The following TFDP2 variants were observed in gnomAD, a reference collection of about 807,000 sequenced individuals.
The protein encoded by TFDP2 is transcription factor Dp-2 (E2F dimerization partner 2).
A neutral mutation model predicts 59.3 loss-of-function variants in TFDP2; 17 were observed. The ratio of observed to expected loss-of-function variants is 0.29; its 90% CI spans 0.20 to 0.43. The LOEUF (loss-of-function observed/expected upper bound fraction) is 0.43. TFDP2 is among the 20% of genes least tolerant of loss of function. TFDP2 has a pLI of 1.00. For synonymous variants in TFDP2, 180 were observed against 194.7 expected (o/e 0.92, Z 0.63); for missense variants, 391 against 528.8 (o/e 0.74, Z 2.56).
chr3:142,113,876 A>G (rs1020241235), intron 1 of TFDP2, among the ~76,000 whole-genome samples: 3 of 152,054 alleles, frequency 2.0e-5, no homozygotes, highest in Non-Finnish European at 2.9e-5. Context: ...ATAACTCTAC[A>G]GAATAGGGCC....
chr3:141,963,938 T>C lies in TFDP2; in HGVS notation c.758A>G (p.Gln253Arg). Residue 253 changes from glutamine (Q) to arginine (R), a missense_variant, in exon 10 of 13, where the codon CAG becomes CGG. Gln to Arg is a conservative substitution (Grantham distance 43). Around this residue, in one of 3 missense-constraint regions of TFDP2, gnomAD observed 223 missense variants for 292.5 expected, o/e 0.76. Transcript: ENST00000489671. ...TTGCTGCTCATTTTGTCGATTTCTC[T>C]GTACCAGGTTTTTGAAAGCGATTTG... ...LQQIAFKNLV[Q>R]RNRQNEQQNQ... 6.2e-7 allele frequency: 1 copy of C among 1,613,732 alleles called. No individual in the cohort carries two copies. Among genetic ancestry groups the C allele is most frequent in the Non-Finnish European group, 8.5e-7 (1 of 1,179,922 alleles).
intron 3 of TFDP2, among the ~76,000 whole-genome samples, chr3:142,027,058 G>A (rs1314125346): frequency 5.4e-5 from 7 of 128,612 alleles, no homozygotes; most frequent in Non-Finnish European, 1.1e-4. Context: ...TGTACCTACT[G>A]TCTAGTGATA....
At chr3:142,046,900 A>AT (rs1427001032) in intron 3 of TFDP2, among the ~76,000 whole-genome samples, 1 of 152,138 alleles carries the variant, frequency 6.6e-6, no homozygotes, top group East Asian at 1.9e-4. Context: ...TTCCCCATTG[A>AT]TTTTTTGAGC....
At chr3:142,054,406 C>CA (rs1205622292) in intron 3 of TFDP2, among the ~76,000 whole-genome samples, 1 of 152,020 alleles carries the variant, frequency 6.6e-6, no homozygotes, top group Non-Finnish European at 1.5e-5. Context: ...AATAAAATAT[C>CA]AAAAAATATT....
intron 3 of TFDP2, among the ~76,000 whole-genome samples, chr3:142,024,592 G>A (rs570005767): frequency 6.6e-6 from 1 of 152,156 alleles, no homozygotes; most frequent in East Asian, 1.9e-4. Context: ...GACCTCTCTG[G>A]GTATTCTGAA....
At chr3:142,068,976 C>T (rs780630504) in intron 3 of TFDP2, among the ~76,000 whole-genome samples, 1 of 152,060 alleles carries the variant, frequency 6.6e-6, no homozygotes, top group African/African-American at 2.4e-5. Context: ...AGTGCAGTGG[C>T]GCAATGTCGG....
chr3:141,962,615 C>A (rs1937508413), intron 10 of TFDP2, among the ~76,000 whole-genome samples: 1 of 152,246 alleles, frequency 6.6e-6, no homozygotes, highest in African/African-American at 2.4e-5. Flanking sequence ...AGCCTCCGGC[C>A]TCCCAGAGTG....
rs202030241 is a variant in TFDP2, at chr3:142,030,888, G to A, written c.83-25344C>T. Among the ~76,000 whole-genome samples the A allele has an allele frequency of 6.7e-5, 10 of 150,278 alleles. No individual in the cohort carries two copies. In the East Asian group the frequency reaches 1.2e-3, roughly 17 times the overall value. On this transcript the variant is annotated intron_variant, in intron 3 of 12. Coordinates refer to ENST00000489671, the MANE Select transcript of TFDP2 (RefSeq NM_001178139.2). ...CTCCCAAGTAGCTGGGACTACAGGC[G>A]CCCGCCACTACGCCCGGCTAATTTT...
chr3:141,968,190 G>T (rs2107946289), intron 9 of TFDP2, among the ~76,000 whole-genome samples: 1 of 121,076 alleles, frequency 8.3e-6, no homozygotes, highest in African/African-American at 3.3e-5. Context: ...GTCAGTTTCA[G>T]CTTTTTTTTT....
At chr3:142,069,797 C>T (rs551178743) in intron 3 of TFDP2, among the ~76,000 whole-genome samples, 7 of 151,530 alleles carry the variant, frequency 4.6e-5, no homozygotes, top group South Asian at 4.2e-4. Context: ...TTAGTAGAGA[C>T]GGGGTTTCAC....
At chr3:141,976,016 G>T (rs11569229) in intron 7 of TFDP2, among the ~76,000 whole-genome samples, 11,287 of 151,870 alleles carry the variant, frequency 0.074, 516 homozygotes, top group Non-Finnish European at 0.11. Flanking sequence ...GAGTAGTTGG[G>T]ATTACAGGCG....
chr3:142,058,935 T>C (rs1167222904), intron 3 of TFDP2, among the ~76,000 whole-genome samples: 1 of 152,190 alleles, frequency 6.6e-6, no homozygotes, highest in African/African-American at 2.4e-5. Context: ...ATCCTTGGTC[T>C]TTCTGGCACC....
chr3:142,000,186 C>G, intron 4 of TFDP2: 1 of 671,778 alleles, frequency 1.5e-6, no homozygotes. Context: ...AATTAATTTT[C>G]TTTAAAGTCT....
rs1471382662 is a variant in TFDP2, at chr3:142,121,680, A to T, written c.-92-19839T>A. On this transcript the variant is annotated intron_variant, in intron 1 of 12. Coordinates refer to ENST00000489671, the MANE Select transcript of TFDP2 (RefSeq NM_001178139.2). This position sits in a 1 kb window ranked among gnomAD's most constrained non-coding sequence, Gnocchi z 4.3. The stretch of plus-strand genomic sequence containing the variant: ...TATACAGATTGACTATACAGTTTAG[A>T]AGACTCTTTCAAGGAGTAGCATATG... Among the ~76,000 whole-genome samples the T allele has an allele frequency of 6.6e-6, 1 of 152,094 alleles. No individual in the cohort carries two copies. Among genetic ancestry groups the T allele is most frequent in the African/African-American group, 2.4e-5 (1 of 41,418 alleles).
At chr3:142,037,878 G>T (rs1456653101) in intron 3 of TFDP2, among the ~76,000 whole-genome samples, 1 of 152,102 alleles carries the variant, frequency 6.6e-6, no homozygotes, top group Admixed American at 6.5e-5. Flanking sequence ...TCCCTTTTAA[G>T]TGGATATTTA....
chr3:142,018,356 C>G (rs552642865), intron 3 of TFDP2, among the ~76,000 whole-genome samples: 1 of 152,320 alleles, frequency 6.6e-6, no homozygotes, highest in East Asian at 1.9e-4. Context: ...ACTGCAATGA[C>G]TATACATATT....
intron 1 of TFDP2, among the ~76,000 whole-genome samples, chr3:142,122,289 C>T (rs758493644): frequency 2.6e-5 from 4 of 152,194 alleles, no homozygotes; most frequent in Admixed American, 6.5e-5. Flanking sequence ...CAAACTTACA[C>T]TATCTGTACT....
intron 9 of TFDP2, among the ~76,000 whole-genome samples, chr3:141,966,914 A>AC (rs1559933259): frequency 8.3e-6 from 1 of 121,050 alleles, no homozygotes; most frequent in African/African-American, 3.4e-5. Context: ...TGGATTACTT[A>AC]TTAAAAAAAA....
intron 3 of TFDP2, among the ~76,000 whole-genome samples, chr3:142,011,914 T>C (rs1232230632): frequency 1.3e-5 from 2 of 152,190 alleles, no homozygotes; most frequent in East Asian, 1.9e-4. Context: ...TGACAATGTG[T>C]TGATTTTAAT....
Sources: allele counts gnomAD v4.1 joint callset (sites outside exome capture counted in the v4.1 genomes callset), GRCh38; gene constraint gnomAD v4.1.1; regional missense constraint gnomAD v4.1.1; non-coding constraint Gnocchi (gnomAD v3.1); transcripts MANE v1.5; gene names NCBI Gene and HGNC (gene_info 2026-07-23, HGNC 2026-07-21).